MALRD1: variants seen among roughly 807,000 people sequenced by gnomAD.
MALRD1 encodes MAM and LDL-receptor class A domain-containing protein 1.
In MALRD1, 247 loss-of-function variants were observed where a neutral mutation model predicts 242.1. That is an observed-to-expected ratio of 1.02 (90% CI 0.92 to 1.13). The LOEUF (loss-of-function observed/expected upper bound fraction) is 1.13, where lower values mean the gene tolerates loss of function less well. Among genes scored for constraint, MALRD1 ranks in the 50% most tolerant of loss-of-function variants. The pLI is 0.00. For synonymous variants in MALRD1, 995 were observed against 866.6 expected, an observed-to-expected ratio of 1.15 and a Z score of -2.60; for missense variants, 2,989 against 2,533.1, an observed-to-expected ratio of 1.18 and a Z score of -3.86.
chr10:19,525,592 C>T (rs1284646304), intron 31 of MALRD1, among the ~76,000 whole-genome samples: 1 of 152,130 alleles, frequency 6.6e-6, no homozygotes, highest in African/African-American at 2.4e-5. Flanking sequence ...AATTGGAAAT[C>T]TCTATTCATT....
chr10:19,722,603 A>AAAAAAAAAAAAAAAAAAAAAAAAC (rs1427547466), intron 38 of MALRD1: 1 of 148,322 alleles, frequency 6.7e-6, no homozygotes, highest in African/African-American at 2.5e-5. Context: ...AAAAAAAAAA[A>AAAAAAAAAAAAAAAAAAAAAAAAC]AAAAAAAAAA....
chr10:19,211,188 C>A (rs1282930246), intron 18 of MALRD1, among the ~76,000 whole-genome samples: 1 of 152,034 alleles, frequency 6.6e-6, no homozygotes, highest in African/African-American at 2.4e-5. Flanking sequence ...AGCTTCATAG[C>A]CAGATCGACG....
intron 24 of MALRD1, among the ~76,000 whole-genome samples, chr10:19,342,994 C>G (rs1843951213): frequency 6.6e-6 from 1 of 151,976 alleles, no homozygotes; most frequent in Admixed American, 6.6e-5. Flanking sequence ...TATAATATGC[C>G]TTATGAATTT....
At chr10:19,347,662 A>G in intron 24 of MALRD1, 109 bp from the exon 25 acceptor site, 1 of 1,269,080 alleles carries the variant, frequency 7.9e-7, no homozygotes, top group Non-Finnish European at 1.1e-6. Flanking sequence ...AGCATTATGA[A>G]GGTTTCAAAT....
chr10:19,568,630 C>T (rs1184602348), intron 33 of MALRD1, among the ~76,000 whole-genome samples: 1 of 151,982 alleles, frequency 6.6e-6, no homozygotes, highest in African/African-American at 2.4e-5. Flanking sequence ...ATATAATCAC[C>T]ACTTTCTCAT....
At chr10:19,695,195 A>T (rs1833315130) in intron 38 of MALRD1, among the ~76,000 whole-genome samples, 1 of 152,196 alleles carries the variant, frequency 6.6e-6, no homozygotes, top group Admixed American at 6.5e-5. Flanking sequence ...CGTCATGCAC[A>T]TGTACCCTAG....
chr10:19,099,388 G>A (rs1836166498), intron 4 of MALRD1, among the ~76,000 whole-genome samples: 1 of 152,082 alleles, frequency 6.6e-6, no homozygotes, highest in African/African-American at 2.4e-5. Flanking sequence ...CATTTCCTCT[G>A]ACATTTAAAT....
intron 19 of MALRD1, among the ~76,000 whole-genome samples, chr10:19,266,712 A>T (rs371613182): frequency 6.6e-6 from 1 of 152,156 alleles, no homozygotes; most frequent in East Asian, 1.9e-4. Flanking sequence ...ATATGTAAAT[A>T]AATTCTTATT....
At chr10:19,303,687 A>G (rs966119800) in intron 21 of MALRD1, among the ~76,000 whole-genome samples, 2 of 151,792 alleles carry the variant, frequency 1.3e-5, no homozygotes, top group Admixed American at 6.6e-5. Context: ...TTTCATTAAT[A>G]TATACAAATC....
chr10:19,138,822 G>A (rs1271788228), intron 10 of MALRD1, among the ~76,000 whole-genome samples: 3 of 151,938 alleles, frequency 2.0e-5, no homozygotes, highest in Admixed American at 1.3e-4. Context: ...TTTGATTTTC[G>A]ACATATTTTC....
intron 31 of MALRD1, among the ~76,000 whole-genome samples, chr10:19,516,327 T>G (rs1833625207): frequency 6.6e-6 from 1 of 152,214 alleles, no homozygotes; most frequent in African/African-American, 2.4e-5. Flanking sequence ...TTTTACAATT[T>G]AATTTTGGCA....
At chr10:19,224,249 G>A (rs531010313) in intron 18 of MALRD1, among the ~76,000 whole-genome samples, 129 of 150,910 alleles carry the variant, frequency 8.5e-4, no homozygotes, top group Middle Eastern at 3.5e-3. Context: ...TCTAACTGGC[G>A]CGAGATGGTA....
In MALRD1 at chr10:19,491,315, T is replaced by C. The variant is rs750940555; in HGVS notation, c.5030-202T>C. On this transcript the variant is annotated intron_variant, in intron 29 of 39. Transcript: ENST00000454679. ...GCACCATCAAAGTGCATAAAAGATA[T>C]TTCAGAAGTAGAGTCTATATAACTT... 4.1e-6 allele frequency: 3 copies of C among 726,522 alleles called. No homozygotes were observed. In the Admixed American group the frequency reaches 6.8e-5, roughly 16 times the overall value. The allele number at this position is 726,522 out of a possible 1,614,324, so 45.0% of individuals were successfully genotyped here. A position where few individuals can be genotyped will look rare whatever the true frequency, so the allele number is the denominator to read the frequency against.
chr10:19,300,752 G>C (rs2499087), intron 21 of MALRD1, among the ~76,000 whole-genome samples: 15 of 151,684 alleles, frequency 9.9e-5, no homozygotes, highest in African/African-American at 3.4e-4. Context: ...TAAAACTATA[G>C]AATCCTTAGA....
chr10:19,256,359 G>A (rs564033377), intron 18 of MALRD1, among the ~76,000 whole-genome samples: 11 of 152,110 alleles, frequency 7.2e-5, no homozygotes, highest in Non-Finnish European at 1.3e-4. Context: ...TTCAAATTCT[G>A]TCTGCTAGTT....
chr10:19,664,399 T>C (rs189594011), intron 36 of MALRD1, among the ~76,000 whole-genome samples: 1 of 152,214 alleles, frequency 6.6e-6, no homozygotes, highest in East Asian at 1.9e-4. Flanking sequence ...TTTGATTCAG[T>C]AATTCTCGGG....
At chr10:19,588,682 G>A (rs555015110) in intron 33 of MALRD1, among the ~76,000 whole-genome samples, 108 of 152,190 alleles carry the variant, frequency 7.1e-4, no homozygotes, top group Middle Eastern at 6.8e-3. Context: ...TTGCTCTGTC[G>A]CCCAGGCTGG....
At chr10:19,116,172 C>T (rs1288909032) in intron 5 of MALRD1, among the ~76,000 whole-genome samples, 3 of 152,016 alleles carry the variant, frequency 2.0e-5, no homozygotes, top group African/African-American at 7.3e-5. Flanking sequence ...TAAATAAGAA[C>T]ATGTTTAATC....
At position 19,494,476 on chromosome 10, in the gene MALRD1, A is replaced by G. The variant is rs367618759; in HGVS notation, c.5158+2831A>G. On this transcript the variant is annotated intron_variant, in intron 30 of 39. Transcript: ENST00000454679. ...CATAGAATTCAGAATATGGGTAGGA[A>G]CAAATACTATTGAGATTCAGGAGGA... 5.3e-5 allele frequency among the ~76,000 whole-genome samples: 8 copies of G among 152,190 alleles called. No individual in the cohort carries two copies. The East Asian group carries it at 1.2e-3, about 22-fold the overall frequency.
Sources: allele counts gnomAD v4.1 joint callset (sites outside exome capture counted in the v4.1 genomes callset), GRCh38; gene constraint gnomAD v4.1.1; transcripts MANE v1.5; gene names NCBI Gene and HGNC (gene_info 2026-07-23, HGNC 2026-07-21).